The following ELK1 variants were observed in gnomAD, a reference collection of about 807,000 sequenced individuals.
ELK1 encodes the protein ETS domain-containing protein Elk-1.
For missense variants in ELK1, 254 were observed against 381.5 expected (o/e 0.67, Z 2.78); for synonymous variants, 163 against 176.3 (o/e 0.92, Z 0.60).
rs1186523593 is a variant in ELK1, at chrX:47,646,703, GA to G, written c.-35+3217del. 3.0e-4 allele frequency among the ~76,000 whole-genome samples: 34 copies of G among 112,524 alleles called. 1 individual carries two copies. The highest frequency in any genetic ancestry group is 1.0e-3 in the African/African-American group (32 of 30,907). The stretch of plus-strand genomic sequence containing the variant: ...TCCTTTGGGGGTTGGTATTTGAACA[GA>G]AAAGTGCCTCTGATGTGTGGCAGAT... On this transcript the variant is annotated intron_variant, in intron 2 of 6. Coordinates refer to ENST00000376983, the MANE Select transcript of ELK1 (RefSeq NM_001114123.3).
chrX:47,645,632 T>TG lies in ELK1; in HGVS notation c.-34-4158dup, dbSNP rs748139120. On this transcript the variant is annotated intron_variant, in intron 2 of 6. Coordinates refer to ENST00000376983, the MANE Select transcript of ELK1 (RefSeq NM_001114123.3). ...AGGTAGCAAGCCAGGCTGCCCTCTGTGGGGGAGGGCCTTCAGGCGGAGCGA... is the reference window on the plus strand; with the variant it reads ...AGGTAGCAAGCCAGGCTGCCCTCTGTGGGGGGAGGGCCTTCAGGCGGAGCGA... Among the ~76,000 whole-genome samples the TG allele has an allele frequency of 6.2e-5, 7 of 112,240 alleles. No homozygotes were observed. The South Asian group carries it at 2.6e-3, about 41-fold the overall frequency.
Position 47,650,555 on chromosome X carries a change from A to T in ELK1, c.-273T>A, listed in dbSNP as rs746986771. 1 of 307,536 alleles carries T rather than the reference A, an allele frequency of 3.3e-6. No individual in the cohort carries two copies. The highest frequency in any genetic ancestry group is 6.0e-6 in the Non-Finnish European group (1 of 165,984). 25.3% of individuals were successfully genotyped at this position (307,536 alleles called of 1,213,427 possible). ...AGGTGGTGGTGGCGGTGGCGGCGGC[A>T]GCACCTAGAAGCCGCCCCTGCGTTT... On this transcript the variant is annotated 5_prime_UTR_variant, in exon 1 of 7. Transcript: ENST00000376983.
chrX:47,650,156 G>C (rs1234937970), intron 1 of ELK1, 130 bp from the exon 2 acceptor site: 1 of 123,213 alleles, frequency 8.1e-6, no homozygotes, highest in African/African-American at 3.4e-5. Flanking sequence ...GCCTATGGAC[G>C]AGTCCACCCT....
At chrX:47,636,984 C>G in intron 6 of ELK1, 29 bp downstream of exon 6, 1 of 1,202,970 alleles carries the variant, frequency 8.3e-7, no homozygotes, top group Non-Finnish European at 1.1e-6. Context: ...GTCTCTCACC[C>G]TGTCCAAAAC....
intron 5 of ELK1, 90 bp downstream of exon 5, chrX:47,637,661 C>T (rs1255738968): frequency 2.3e-5 from 24 of 1,041,996 alleles, no homozygotes; most frequent in Non-Finnish European, 2.9e-5. Flanking sequence ...CAACCACACT[C>T]ACCCTCCTCT....
rs376822462 is a variant in ELK1 at position 47,638,112 on chromosome X, C to T, written c.725G>A (p.Arg242Gln). 18 of 1,209,239 alleles carry T rather than the reference C, an allele frequency of 1.5e-5. No homozygotes were observed. The African/African-American group carries it at 2.3e-4, about 15-fold the overall frequency. The change falls in exon 5 of 7, where the codon CGG (arginine) becomes CAG (glutamine). Residue 242 changes from arginine (R) to glutamine (Q), a missense_variant. Coordinates refer to ENST00000376983, the MANE Select transcript of ELK1 (RefSeq NM_001114123.3). ...EELNVEPGLGRALPPEVKVEG... is the reference protein window; with the variant it reads ...EELNVEPGLGQALPPEVKVEG... ...TACTTTCACTTCTGGGGGCAAAGCCCGGCCCAAACCCGGCTCCACATTAAG... is the reference window on the plus strand; with the variant it reads ...TACTTTCACTTCTGGGGGCAAAGCCTGGCCCAAACCCGGCTCCACATTAAG...
Position 47,638,110 on chromosome X carries a change from C to T in ELK1, c.727G>A (p.Ala243Thr), listed in dbSNP as rs778250617. ...ELNVEPGLGR[A>T]LPPEVKVEGP... ...TCTACTTTCACTTCTGGGGGCAAAG[C>T]CCGGCCCAAACCCGGCTCCACATTA... The change falls in exon 5 of 7, where the codon GCT becomes ACT. Residue 243 changes from alanine (A) to threonine (T), a missense_variant. Coordinates refer to ENST00000376983, the MANE Select transcript of ELK1 (RefSeq NM_001114123.3). The T allele has an allele frequency of 2.5e-6, 3 of 1,210,959 alleles. No individual in the cohort carries two copies. Among genetic ancestry groups the T allele is most frequent in the Non-Finnish European group, 1.1e-6 (1 of 895,142 alleles).
chrX:47,638,354 C>A (rs2058017008), intron 4 of ELK1, among the ~76,000 whole-genome samples, 172 bp from the exon 5 acceptor site: 1 of 112,607 alleles, frequency 8.9e-6, no homozygotes, highest in African/African-American at 3.2e-5. Context: ...GGAAGTAGGG[C>A]TTCCTCTGGG....
Position 47,641,300 on chromosome X carries a change from G to A in ELK1, c.142C>T (p.Leu48=). Reference sequence around the variant, plus strand: ...TTCATGTTGGTCTTGTTCTTGCGTAGCCCCCACAGCCGGGCCACCTCCTCT... The same window carrying A: ...TTCATGTTGGTCTTGTTCTTGCGTAACCCCCACAGCCGGGCCACCTCCTCT... ...DAEEVARLWG[L]RKNKTNMNYD... Residue 48 remains leucine, a synonymous_variant, in exon 3 of 7, where the codon CTA becomes TTA. Transcript: ENST00000376983. 1 of 1,211,728 alleles carries A rather than the reference G, an allele frequency of 8.3e-7. No individual in the cohort carries two copies. Among genetic ancestry groups the A allele is most frequent in the South Asian group, 1.8e-5 (1 of 56,990 alleles).
intron 2 of ELK1, among the ~76,000 whole-genome samples, chrX:47,649,714 A>G (rs1328383812): frequency 9.2e-6 from 1 of 108,116 alleles, no homozygotes; most frequent in East Asian, 3.0e-4. Flanking sequence ...AAAGGAGAGA[A>G]CCCCAAGCGC....
At chrX:47,648,682 AG>A (rs2058050643) in intron 2 of ELK1, among the ~76,000 whole-genome samples, 3 of 112,585 alleles carry the variant, frequency 2.7e-5, no homozygotes, top group African/African-American at 9.7e-5. Context: ...GTTGGAGCAC[AG>A]TAAGGGGGTG....
rs2058008456 is a variant in ELK1 at position 47,636,534 on chromosome X, C to T, written c.*295G>A. 1 of 245,125 alleles carries T rather than the reference C, an allele frequency of 4.1e-6. No individual in the cohort carries two copies. Among genetic ancestry groups the T allele is most frequent in the Non-Finnish European group, 7.3e-6 (1 of 137,918 alleles). 20.2% of individuals were successfully genotyped at this position (245,125 alleles called of 1,213,427 possible). On this transcript the variant is annotated 3_prime_UTR_variant, in exon 7 of 7. Transcript: ENST00000376983. ...CACCCTAAAAGGTTAGGTCAGGCTC[C>T]TCCCAGTGGCCTTCAAAAAATAAAT...
intron 4 of ELK1, 84 bp from the exon 5 acceptor site, chrX:47,638,266 C>G (rs897178212): frequency 6.3e-6 from 7 of 1,103,865 alleles, no homozygotes; most frequent in East Asian, 3.2e-5. Flanking sequence ...GTGATTTCCC[C>G]GGGAAGGTGG....
chrX:47,638,110 C>G lies in ELK1; in HGVS notation c.727G>C (p.Ala243Pro). The change falls in exon 5 of 7, where the codon GCT (alanine) becomes CCT (proline). Residue 243 changes from alanine (A) to proline (P), a missense_variant. Ala to Pro is a conservative substitution (Grantham distance 27). Coordinates refer to ENST00000376983, the MANE Select transcript of ELK1 (RefSeq NM_001114123.3). ...ELNVEPGLGR[A>P]LPPEVKVEGP... ...TCTACTTTCACTTCTGGGGGCAAAGCCCGGCCCAAACCCGGCTCCACATTA... is the reference window on the plus strand; with the variant it reads ...TCTACTTTCACTTCTGGGGGCAAAGGCCGGCCCAAACCCGGCTCCACATTA... 6 of 1,210,959 alleles carry G rather than the reference C, an allele frequency of 5.0e-6. No homozygotes were observed. Among genetic ancestry groups the G allele is most frequent in the Non-Finnish European group, 6.7e-6 (6 of 895,142 alleles).
chrX:47,645,198 G>T (rs2058039757), intron 2 of ELK1, among the ~76,000 whole-genome samples: 1 of 111,327 alleles, frequency 9.0e-6, no homozygotes, highest in African/African-American at 3.3e-5. Flanking sequence ...GTCAGTTTCA[G>T]AGGCCTGTCA....
Position 47,645,330 on chromosome X carries a change from G to A in ELK1, c.-34-3855C>T, listed in dbSNP as rs781570198. ...TAACTCATTGAATCCTCAAACCACC[G>A]TTAAAGGGTGGGGATTATCATTTCC... On this transcript the variant is annotated intron_variant, in intron 2 of 6. Transcript: ENST00000376983. 3.6e-5 allele frequency among the ~76,000 whole-genome samples: 4 copies of A among 111,989 alleles called. No individual in the cohort carries two copies. In the East Asian group the frequency reaches 8.5e-4, roughly 24 times the overall value.
intron 2 of ELK1, among the ~76,000 whole-genome samples, chrX:47,646,935 C>A (rs1220975028): frequency 1.8e-5 from 2 of 111,455 alleles, no homozygotes; most frequent in Non-Finnish European, 3.8e-5. Context: ...GGCCTCTGAA[C>A]TGGCACTTCC....
At position 47,639,110 on chromosome X, in the gene ELK1, G is replaced by C; in HGVS notation, c.439C>G (p.Arg147Gly). Residue 147 changes from arginine to glycine, a missense_variant, in exon 4 of 7, where the codon CGC (arginine) becomes GGC (glycine). Transcript: ENST00000376983. ...CGCATGTACTCGTTCCGGCTGCTGCGTGCCAAACCGCCTGGGCCTGCCATT... is the reference window on the plus strand; with the variant it reads ...CGCATGTACTCGTTCCGGCTGCTGCCTGCCAAACCGCCTGGGCCTGCCATT... Reference protein sequence around the residue: ...AGMAGPGGLARSSRNEYMRSG... With the variant: ...AGMAGPGGLAGSSRNEYMRSG... 2.5e-6 allele frequency: 3 copies of C among 1,202,237 alleles called. No homozygotes were observed. The highest frequency in any genetic ancestry group is 3.4e-6 in the Non-Finnish European group (3 of 890,775).
At chrX:47,645,663 G>A (rs899469664) in intron 2 of ELK1, among the ~76,000 whole-genome samples, 2 of 112,301 alleles carry the variant, frequency 1.8e-5, no homozygotes, top group African/African-American at 3.2e-5. Context: ...AGCGAACGGC[G>A]TGTACAAAGG....
Sources: gnomAD v4.1 joint callset for allele counts (sites outside exome capture counted in the v4.1 genomes callset) on GRCh38, gnomAD v4.1.1 for gene constraint, MANE v1.5 for transcripts, NCBI Gene and HGNC (gene_info 2026-07-23, HGNC 2026-07-21) for gene names.